Variants in SDK1 observed in about 807,000 individuals in gnomAD.
SDK1 encodes the protein protein sidekick-1.
Under a neutral mutation model 245.5 loss-of-function variants are expected in SDK1, and 157 were observed. The ratio of observed to expected loss-of-function variants is 0.64; its 90% confidence interval spans 0.56 to 0.73. The LOEUF (loss-of-function observed/expected upper bound fraction) is 0.73. Among genes scored for constraint, SDK1 ranks in the 30% least tolerant of loss-of-function variants. The pLI, the probability that SDK1 is intolerant of heterozygous loss-of-function variation, is 0.00. For synonymous variants in SDK1, 1,647 were observed against 1,278.5 expected (o/e 1.29, Z -6.15); for missense variants, 3,583 against 3,002.3 (o/e 1.19, Z -4.52).
intron 4 of SDK1, among the ~76,000 whole-genome samples, chr7:3,818,179 A>C (rs555697141): frequency 5.3e-5 from 8 of 152,344 alleles, no homozygotes; most frequent in African/African-American, 1.9e-4. Flanking sequence ...CTAAGGAAGT[A>C]ATTTTATTTA....
intron 14 of SDK1, among the ~76,000 whole-genome samples, chr7:4,003,270 C>T (rs1785209884): frequency 2.0e-5 from 3 of 152,364 alleles, no homozygotes; most frequent in East Asian, 1.9e-4. Flanking sequence ...CCAGACCAAC[C>T]ACTCATGGTA....
intron 5 of SDK1, among the ~76,000 whole-genome samples, chr7:3,909,337 G>A (rs1044179079): frequency 1.3e-5 from 2 of 152,138 alleles, no homozygotes; most frequent in Admixed American, 6.5e-5. Context: ...GCTGCGGGGC[G>A]GACACCCCAT....
At chr7:3,852,774 AAAT>A (rs1440455034) in intron 5 of SDK1, among the ~76,000 whole-genome samples, 6 of 148,000 alleles carry the variant, frequency 4.1e-5, no homozygotes, top group African/African-American at 9.8e-5. Flanking sequence ...AAAAAAAAAA[AAAT>A]TTTTTTCCTT....
chr7:3,488,456 C>G (rs1262724799), intron 1 of SDK1, among the ~76,000 whole-genome samples: 1 of 151,992 alleles, frequency 6.6e-6, no homozygotes, highest in Non-Finnish European at 1.5e-5. Context: ...GTATTTTTGT[C>G]CTGAATTTCA....
At chr7:3,735,935 T>C (rs1779307067) in intron 4 of SDK1, among the ~76,000 whole-genome samples, 1 of 152,240 alleles carries the variant, frequency 6.6e-6, no homozygotes, top group Admixed American at 6.5e-5. Flanking sequence ...TTCCTGATCA[T>C]TGGTGCAACT....
At chr7:3,371,928 A>G (rs1311498879) in intron 1 of SDK1, among the ~76,000 whole-genome samples, 1 of 152,206 alleles carries the variant, frequency 6.6e-6, no homozygotes, top group Non-Finnish European at 1.5e-5. Context: ...GGATAAAACA[A>G]TCCCAGGAGA....
At chr7:3,817,451 T>C (rs895055861) in intron 4 of SDK1, among the ~76,000 whole-genome samples, 1 of 152,228 alleles carries the variant, frequency 6.6e-6, no homozygotes, top group East Asian at 1.9e-4. Context: ...TACTTGATTC[T>C]GCTCCAGTGG....
intron 1 of SDK1, among the ~76,000 whole-genome samples, chr7:3,325,111 CA>C (rs890079443): frequency 6.6e-6 from 1 of 151,968 alleles, no homozygotes; most frequent in African/African-American, 2.4e-5. Flanking sequence ...TCTACCAAAC[CA>C]CTTTTTTTTT....
chr7:3,668,731 C>G lies in SDK1; in HGVS notation c.713+26626C>G, dbSNP rs1394695166. ...ACTTGAACCTGGGAGGCGGAGTTTG[C>G]AGTGAGCCAAGATGGCGCCATTGCA... On this transcript the variant is annotated intron_variant, in intron 4 of 44. Transcript: ENST00000404826. Among the ~76,000 whole-genome samples, 8 of 152,326 alleles carry G rather than the reference C, an allele frequency of 5.3e-5. No homozygotes were observed. The East Asian group carries it at 1.3e-3, about 26-fold the overall frequency.
intron 32 of SDK1, among the ~76,000 whole-genome samples, chr7:4,172,270 C>A (rs1781893311): frequency 6.6e-6 from 1 of 152,214 alleles, no homozygotes; most frequent in South Asian, 2.1e-4. Context: ...TAGCAGGCCT[C>A]ATTTTGGAAA....
chr7:3,836,735 C>A (rs1436448779), intron 5 of SDK1, among the ~76,000 whole-genome samples: 1 of 152,212 alleles, frequency 6.6e-6, no homozygotes, highest in East Asian at 1.9e-4. Flanking sequence ...TAAAATTCCA[C>A]AATGAGTATT....
At chr7:3,540,813 T>C (rs1360209879) in intron 1 of SDK1, among the ~76,000 whole-genome samples, 4 of 152,228 alleles carry the variant, frequency 2.6e-5, no homozygotes, top group Non-Finnish European at 5.9e-5. Flanking sequence ...TTCGTATATC[T>C]ATAATAAAGG....
intron 4 of SDK1, among the ~76,000 whole-genome samples, chr7:3,806,279 C>T (rs1048267944): frequency 2.2e-5 from 3 of 139,096 alleles, no homozygotes; most frequent in Non-Finnish European, 4.9e-5. Flanking sequence ...TAACGTATCT[C>T]TAGGATGTGG....
At chr7:3,587,273 T>G (rs1312191635) in intron 1 of SDK1, among the ~76,000 whole-genome samples, 2 of 151,284 alleles carry the variant, frequency 1.3e-5, no homozygotes, top group Non-Finnish European at 2.9e-5. Context: ...CTGTTTGTAT[T>G]AGTCAAGATT....
intron 4 of SDK1, among the ~76,000 whole-genome samples, chr7:3,696,572 T>TTGTGTG (rs71552319): frequency 0.1 from 14,978 of 147,910 alleles, 1,661 homozygotes; most frequent in African/African-American, 0.29. Flanking sequence ...TTCTCTGTGT[T>TTGTGTG]TGTGTGTGTG....
intron 5 of SDK1, among the ~76,000 whole-genome samples, chr7:3,843,069 G>C (rs541153897): frequency 2.0e-5 from 3 of 152,100 alleles, no homozygotes; most frequent in Non-Finnish European, 4.4e-5. Context: ...GCCTGTGGCC[G>C]CTTAGCATTA....
chr7:3,638,893 G>C, intron 2 of SDK1, 111 bp from the exon 3 acceptor site: 1 of 530,464 alleles, frequency 1.9e-6, no homozygotes. Context: ...TATTTGTTGA[G>C]CATATACTAG....
At chr7:4,084,287 G>C (rs908913845) in intron 22 of SDK1, among the ~76,000 whole-genome samples, 2 of 152,164 alleles carry the variant, frequency 1.3e-5, no homozygotes, top group African/African-American at 4.8e-5. Flanking sequence ...GATCTCTTTT[G>C]CTGAGTATCA....
At chr7:3,396,307 C>T (rs1342957431) in intron 1 of SDK1, among the ~76,000 whole-genome samples, 1 of 151,628 alleles carries the variant, frequency 6.6e-6, no homozygotes, top group African/African-American at 2.4e-5. Flanking sequence ...TCTTTGTGGT[C>T]CAGCATATGA....
Sources: allele counts gnomAD v4.1 joint callset (sites outside exome capture counted in the v4.1 genomes callset), GRCh38; gene constraint gnomAD v4.1.1; transcripts MANE v1.5; gene names NCBI Gene and HGNC (gene_info 2026-07-23, HGNC 2026-07-21).